Variants in LARGE1 observed in about 807,000 individuals in gnomAD.
The protein encoded by LARGE1 is LARGE xylosyl- and glucuronyltransferase 1.
LARGE1 carries 43 observed loss-of-function variants against 87.6 expected under a neutral mutation model. The ratio of observed to expected loss-of-function variants is 0.49; its 90% CI spans 0.38 to 0.63. LARGE1 has a LOEUF of 0.63. Among genes scored for constraint, LARGE1 ranks in the 30% least tolerant of loss-of-function variants. LARGE1 has a pLI of 0.00. For synonymous variants in LARGE1, 434 were observed against 394.6 expected, an observed-to-expected ratio of 1.10 and a Z score of -1.18; for missense variants, 802 against 1,000.2, an observed-to-expected ratio of 0.80 and a Z score of 2.67.
chr22:33,226,532 T>C (rs560909337), intron 11 of LARGE1, among the ~76,000 whole-genome samples: 1 of 152,280 alleles, frequency 6.6e-6, no homozygotes, highest in Admixed American at 6.5e-5. Context: ...CCTCTAGCCA[T>C]GAGGAGCTCA....
chr22:33,274,791 CT>C (rs1267186603), intron 14 of LARGE1, among the ~76,000 whole-genome samples, 167 bp from the exon 15 acceptor site: 2 of 152,148 alleles, frequency 1.3e-5, no homozygotes, highest in African/African-American at 4.8e-5. Context: ...TAATTCAGGG[CT>C]GTTTCCATGA....
At chr22:33,391,365 T>C (rs1032787486) in intron 7 of LARGE1, among the ~76,000 whole-genome samples, 5 of 151,982 alleles carry the variant, frequency 3.3e-5, no homozygotes, top group Admixed American at 2.6e-4. Context: ...CTGTGATAAA[T>C]GGGAGGTGGG....
intron 2 of LARGE1, among the ~76,000 whole-genome samples, chr22:33,652,608 C>T (rs1415813517): frequency 6.6e-6 from 1 of 152,134 alleles, no homozygotes; most frequent in African/African-American, 2.4e-5. Flanking sequence ...CTCTCAGCTG[C>T]CTGTCAAAAA....
intron 11 of LARGE1, among the ~76,000 whole-genome samples, chr22:33,265,547 C>T (rs935204959): frequency 6.6e-6 from 1 of 152,174 alleles, no homozygotes; most frequent in Non-Finnish European, 1.5e-5. Context: ...GGAGTGAGCA[C>T]CCTTCTCCCA....
chr22:33,717,004 T>C (rs1460712562), intron 2 of LARGE1, among the ~76,000 whole-genome samples: 1 of 152,202 alleles, frequency 6.6e-6, no homozygotes, highest in Non-Finnish European at 1.5e-5. Context: ...ACTTAATTGT[T>C]TTTTGTTGTT....
chr22:33,665,836 G>A lies in LARGE1; in HGVS notation c.107-15168C>T, dbSNP rs143086977. On this transcript the variant is annotated intron_variant, in intron 2 of 14. Transcript: ENST00000397394. ...GAACCCAGGAGGCGGAGCTTGCAGT[G>A]AGCCGAGATCGTGCCACTGCACCCC... is the stretch of plus-strand genomic sequence containing the variant. Among the ~76,000 whole-genome samples the A allele has an allele frequency of 1.3e-3, 198 of 152,118 alleles. 1 individual carries two copies. In the East Asian group the frequency reaches 0.025, roughly 19 times the overall value.
intron 2 of LARGE1, among the ~76,000 whole-genome samples, chr22:33,662,999 C>A (rs1000651221): frequency 9.9e-5 from 15 of 152,090 alleles, no homozygotes; most frequent in Admixed American, 2.6e-4. Context: ...AAGTTATATT[C>A]CAATTCCAAC....
chr22:33,600,890 C>T (rs2079095934), intron 5 of LARGE1, among the ~76,000 whole-genome samples: 1 of 152,080 alleles, frequency 6.6e-6, no homozygotes, highest in African/African-American at 2.4e-5. Flanking sequence ...CTTGGTGAAA[C>T]CCCGTCTTTA....
intron 9 of LARGE1, among the ~76,000 whole-genome samples, chr22:33,371,430 T>C (rs914923494): frequency 1.3e-5 from 2 of 152,240 alleles, no homozygotes; most frequent in African/African-American, 2.4e-5. Flanking sequence ...GAAAACAGAA[T>C]AATCTTTGTG....
chr22:33,589,313 C>T lies in LARGE1; in HGVS notation c.615+15122G>A, dbSNP rs551878837. 1.9e-4 allele frequency among the ~76,000 whole-genome samples: 29 copies of T among 152,142 alleles called. 1 individual carries two copies. The highest frequency in any genetic ancestry group is 3.3e-4 in the Admixed American group (5 of 15,274). On this transcript the variant is annotated intron_variant, in intron 5 of 14. Transcript: ENST00000397394. ...ATGAGATAACACTAAATGTTTAGTA[C>T]TATGTCTGATACATGATAAGTGACA...
At chr22:33,591,962 G>A (rs1229964855) in intron 5 of LARGE1, among the ~76,000 whole-genome samples, 1 of 150,726 alleles carries the variant, frequency 6.6e-6, no homozygotes, top group Non-Finnish European at 1.5e-5. Flanking sequence ...GGTATTTGAG[G>A]CTGCAGTGAG....
intron 11 of LARGE1, among the ~76,000 whole-genome samples, chr22:33,180,277 A>C (rs1923093648): frequency 6.6e-6 from 1 of 152,242 alleles, no homozygotes; most frequent in South Asian, 2.1e-4. Context: ...GATAAAGTTG[A>C]TAAAATAAAC....
At chr22:33,584,471 T>TA (rs2078610503) in intron 5 of LARGE1, among the ~76,000 whole-genome samples, 2 of 152,200 alleles carry the variant, frequency 1.3e-5, no homozygotes, top group Non-Finnish European at 2.9e-5. Flanking sequence ...ATTTCATTAG[T>TA]TTTCACTAAA....
At chr22:33,164,303 C>T (rs775074032) in exon 12 of LARGE1, 1 of 152,148 alleles carries the variant, frequency 6.6e-6, no homozygotes, top group Non-Finnish European at 1.5e-5. Flanking sequence ...CAAGGTTCTG[C>T]AATTCTCATA....
intron 3 of LARGE1, among the ~76,000 whole-genome samples, chr22:33,637,732 T>A (rs1008538601): frequency 6.6e-6 from 1 of 152,196 alleles, no homozygotes; most frequent in African/African-American, 2.4e-5. Flanking sequence ...TCAGCCCCAA[T>A]CAAACCTTCA....
chr22:33,160,731 C>T (rs1330865016), downstream of LARGE1, among the ~76,000 whole-genome samples: 1 of 152,200 alleles, frequency 6.6e-6, no homozygotes, highest in African/African-American at 2.4e-5. Flanking sequence ...AGGAAACACA[C>T]CCTATGTTCC....
At chr22:33,416,785 G>T (rs2066505829) in intron 7 of LARGE1, among the ~76,000 whole-genome samples, 1 of 151,708 alleles carries the variant, frequency 6.6e-6, no homozygotes, top group African/African-American at 2.4e-5. Flanking sequence ...TGTATTTTTA[G>T]TAGAGATGGG....
chr22:33,182,561 ACT>A (rs1212186162), intron 11 of LARGE1, among the ~76,000 whole-genome samples: 5 of 152,136 alleles, frequency 3.3e-5, no homozygotes, highest in Admixed American at 3.3e-4. Context: ...GAGGCATCAC[ACT>A]CTGTGATTTT....
chr22:33,319,556 C>T (rs750007930), intron 10 of LARGE1, among the ~76,000 whole-genome samples: 6 of 152,094 alleles, frequency 3.9e-5, no homozygotes, highest in East Asian at 1.9e-4. Flanking sequence ...CCACCACGCC[C>T]GGCTAATTTC....
Sources: gnomAD v4.1 joint callset for allele counts (sites outside exome capture counted in the v4.1 genomes callset) on GRCh38, gnomAD v4.1.1 for gene constraint, MANE v1.5 for transcripts, NCBI Gene and HGNC (gene_info 2026-07-23, HGNC 2026-07-21) for gene names.